Variants in CNTN4 observed in about 807,000 individuals in gnomAD.
CNTN4 encodes contactin-4.
CNTN4 carries 77 observed loss-of-function variants against 122.5 expected under a neutral mutation model. That is an observed-to-expected ratio of 0.63 (90% CI 0.52 to 0.76). The LOEUF is 0.76. CNTN4 is among the 30% of genes least tolerant of loss of function. CNTN4 has a pLI of 0.00. For synonymous variants in CNTN4, 512 were observed against 447.0 expected (o/e 1.15, Z -1.83); for missense variants, 1,256 against 1,259.1 (o/e 1.00, Z 0.04).
chr3:2,649,404 C>A, intron 4 of CNTN4, among the ~76,000 whole-genome samples: 1 of 152,130 alleles, frequency 6.6e-6, no homozygotes, highest in East Asian at 1.9e-4. Flanking sequence ...TGTTCATTGA[C>A]CATCCTGAAA....
intron 21 of CNTN4, 141 bp downstream of exon 21, chr3:3,042,563 A>G: frequency 1.4e-6 from 1 of 694,890 alleles, no homozygotes; most frequent in Non-Finnish European, 2.6e-6. Context: ...CTGAACATTA[A>G]TGGAAGCATT....
intron 7 of CNTN4, among the ~76,000 whole-genome samples, chr3:2,865,086 A>G (rs1174748313): frequency 6.6e-6 from 1 of 152,160 alleles, no homozygotes; most frequent in African/African-American, 2.4e-5. Context: ...TAGTTTCTTG[A>G]GGAAGCTTTC....
In CNTN4 at chr3:2,122,117, T is replaced by A. The variant is rs113309388; in HGVS notation, c.-145+21478T>A. Among the ~76,000 whole-genome samples the A allele has an allele frequency of 2.1e-3, 316 of 150,432 alleles. 4 individuals carry two copies. Among genetic ancestry groups the A allele is most frequent in the Non-Finnish European group, 2.6e-3 (177 of 67,686 alleles). ...TTGCAGTGAGCTGAGATTGCGCCAC[T>A]GCACTCCAGCCTGGGCGACAGAGCG... On this transcript the variant is annotated intron_variant, in intron 2 of 24. Transcript: ENST00000418658.
At chr3:2,717,121 G>T (rs1003857174) in intron 4 of CNTN4, among the ~76,000 whole-genome samples, 1 of 152,006 alleles carries the variant, frequency 6.6e-6, no homozygotes, top group Admixed American at 6.6e-5. Flanking sequence ...ATTCTCTTGG[G>T]TATTGTGCAA....
At chr3:2,251,798 A>G (rs1222106777) in intron 2 of CNTN4, among the ~76,000 whole-genome samples, 1 of 151,830 alleles carries the variant, frequency 6.6e-6, no homozygotes, top group African/African-American at 2.4e-5. Flanking sequence ...CACAGACTGT[A>G]TTAGAAAATA....
intron 12 of CNTN4, among the ~76,000 whole-genome samples, chr3:2,919,681 C>T (rs1247624581): frequency 6.6e-6 from 1 of 152,136 alleles, no homozygotes; most frequent in Non-Finnish European, 1.5e-5. Flanking sequence ...GTTTAAGACA[C>T]TGACATGTAA....
intron 7 of CNTN4, among the ~76,000 whole-genome samples, chr3:2,857,854 A>G (rs997264882): frequency 6.6e-6 from 1 of 152,174 alleles, no homozygotes; most frequent in Non-Finnish European, 1.5e-5. Context: ...GTTCTGTATG[A>G]TTTCAGCACC....
At chr3:2,157,424 G>A (rs2035768243) in intron 2 of CNTN4, among the ~76,000 whole-genome samples, 1 of 152,122 alleles carries the variant, frequency 6.6e-6, no homozygotes, top group Non-Finnish European at 1.5e-5. Flanking sequence ...GGATTATTCA[G>A]AACAATCTGA....
chr3:2,223,432 T>C (rs1044292904), intron 2 of CNTN4, among the ~76,000 whole-genome samples: 6 of 152,162 alleles, frequency 3.9e-5, no homozygotes, highest in Non-Finnish European at 5.9e-5. Context: ...TGTCTGTTTT[T>C]AGGAGATGTC....
intron 6 of CNTN4, among the ~76,000 whole-genome samples, chr3:2,757,191 G>T (rs1287427853): frequency 6.6e-6 from 1 of 152,138 alleles, no homozygotes; most frequent in East Asian, 1.9e-4. Flanking sequence ...TATAAAGTAT[G>T]ATTTGACCAG....
intron 3 of CNTN4, among the ~76,000 whole-genome samples, chr3:2,439,567 T>C (rs1214202661): frequency 1.3e-5 from 2 of 152,234 alleles, no homozygotes; most frequent in East Asian, 1.9e-4. Flanking sequence ...ATGTTCCACC[T>C]TAGCTTGAAT....
At chr3:2,811,891 C>G (rs1030892754) in intron 6 of CNTN4, among the ~76,000 whole-genome samples, 1 of 152,126 alleles carries the variant, frequency 6.6e-6, no homozygotes, top group Non-Finnish European at 1.5e-5. Flanking sequence ...GTCTCGAACT[C>G]CTGACCTCAA....
chr3:2,843,220 C>G (rs1353831069), intron 7 of CNTN4, among the ~76,000 whole-genome samples: 1 of 152,166 alleles, frequency 6.6e-6, no homozygotes, highest in Non-Finnish European at 1.5e-5. Context: ...TCCAGTGGCT[C>G]AAGACTGAAA....
At chr3:2,724,128 T>C (rs1249800466) in intron 4 of CNTN4, among the ~76,000 whole-genome samples, 8 of 152,226 alleles carry the variant, frequency 5.3e-5, no homozygotes, top group Admixed American at 5.2e-4. Flanking sequence ...TTTGTAGTTT[T>C]GTAAACACTC....
At chr3:2,309,234 T>G (rs1261796841) in intron 2 of CNTN4, among the ~76,000 whole-genome samples, 1 of 152,160 alleles carries the variant, frequency 6.6e-6, no homozygotes, top group East Asian at 1.9e-4. Flanking sequence ...CTAAAATTTT[T>G]GGCTTAAAGT....
chr3:2,417,308 C>T (rs1378210081), intron 3 of CNTN4, among the ~76,000 whole-genome samples: 2 of 152,344 alleles, frequency 1.3e-5, no homozygotes, highest in African/African-American at 4.8e-5. Flanking sequence ...CCAGTCCCTT[C>T]AGTCTTGTAT....
chr3:2,813,711 ATCTTGGACCC>A (rs1264113774), intron 6 of CNTN4, among the ~76,000 whole-genome samples: 2 of 152,116 alleles, frequency 1.3e-5, no homozygotes, highest in Admixed American at 6.6e-5. Context: ...CTCAAAAGAG[ATCTTGGACCC>A]TCTTGATTTT....
At chr3:2,490,987 TACA>T (rs1386238137) in intron 3 of CNTN4, among the ~76,000 whole-genome samples, 2 of 152,148 alleles carry the variant, frequency 1.3e-5, no homozygotes, top group African/African-American at 4.8e-5. Flanking sequence ...CTTTAGTGTA[TACA>T]AATTTCCAAA....
chr3:2,820,961 CT>C (rs67731967), intron 7 of CNTN4, among the ~76,000 whole-genome samples: 41 of 107,560 alleles, frequency 3.8e-4, no homozygotes, highest in Non-Finnish European at 4.3e-4. Flanking sequence ...TTTTCTCTTT[CT>C]TTTTTTTTTT....
Sources: gnomAD v4.1 joint callset for allele counts (sites outside exome capture counted in the v4.1 genomes callset) on GRCh38, gnomAD v4.1.1 for gene constraint, MANE v1.5 for transcripts, NCBI Gene and HGNC (gene_info 2026-07-23, HGNC 2026-07-21) for gene names.